The following SGCD variants were observed in gnomAD, a reference collection of about 807,000 sequenced individuals.
SGCD encodes sarcoglycan delta, also known as delta-sarcoglycan.
In SGCD, 18 loss-of-function variants were observed where a neutral mutation model predicts 36.6. The observed-to-expected ratio is 0.49, with a 90% CI of 0.34 to 0.73. The LOEUF is 0.73. Among genes scored for constraint, SGCD ranks in the 30% least tolerant of loss-of-function variants. The probability of loss-of-function intolerance (pLI) is 0.01; values close to 1 mark genes in which losing one functional copy is unlikely to be tolerated. For missense variants in SGCD, 387 were observed against 346.7 expected, an observed-to-expected ratio of 1.12 and a Z score of -0.92; for synonymous variants, 133 against 130.6, an observed-to-expected ratio of 1.02 and a Z score of -0.12.
At chr5:155,855,104 A>G in the SGCD span, among the ~76,000 whole-genome samples, 2 of 152,226 alleles carry the variant, frequency 1.3e-5, no homozygotes, top group East Asian at 1.9e-4. Flanking sequence ...TGCACTCTGG[A>G]CCGACCTTTA....
intron 3 of SGCD, among the ~76,000 whole-genome samples, chr5:156,241,558 T>C (rs1765308659): frequency 6.6e-6 from 1 of 152,180 alleles, no homozygotes; most frequent in Non-Finnish European, 1.5e-5. Context: ...GGCTGCTCCA[T>C]CCAGTTTTTC....
At chr5:156,574,029 T>A (rs1412030946) in intron 4 of SGCD, among the ~76,000 whole-genome samples, 1 of 152,124 alleles carries the variant, frequency 6.6e-6, no homozygotes, top group African/African-American at 2.4e-5. Context: ...TGTTAGCACA[T>A]ATTGAGTCCT....
At chr5:156,650,530 C>A (rs548827295) in intron 7 of SGCD, among the ~76,000 whole-genome samples, 2 of 152,096 alleles carry the variant, frequency 1.3e-5, no homozygotes, top group South Asian at 2.1e-4. Flanking sequence ...CTTTTGTTCC[C>A]ATCTTCATAT....
intron 1 of SGCD, among the ~76,000 whole-genome samples, chr5:156,040,801 G>A (rs1759615114): frequency 6.6e-6 from 1 of 152,068 alleles, no homozygotes; most frequent in Non-Finnish European, 1.5e-5. Context: ...TCTTACATCA[G>A]ATTATTTTAG....
the SGCD span, among the ~76,000 whole-genome samples, chr5:155,746,618 A>C: frequency 2.0e-5 from 3 of 152,108 alleles, no homozygotes; most frequent in South Asian, 2.1e-4. Flanking sequence ...GCTTTTGTCT[A>C]GTTTCCAGCT....
chr5:155,890,389 T>C (rs999117330), intron 1 of SGCD, among the ~76,000 whole-genome samples: 1 of 152,102 alleles, frequency 6.6e-6, no homozygotes, highest in African/African-American at 2.4e-5. Flanking sequence ...TTTGGGAGAC[T>C]GAGGTGGGCA....
intron 3 of SGCD, among the ~76,000 whole-genome samples, chr5:156,236,178 C>T (rs1581186499): frequency 2.0e-5 from 3 of 152,030 alleles, no homozygotes; most frequent in East Asian, 1.9e-4. Flanking sequence ...AAACATGTTA[C>T]GGTTAAATCA....
rs1234624557 is a variant in SGCD, at chr5:156,757,663, A to G, written c.658A>G (p.Thr220Ala). 6.2e-7 allele frequency: 1 copy of G among 1,609,480 alleles called. No homozygotes were observed. Among genetic ancestry groups the G allele is most frequent in the Admixed American group, 1.7e-5 (1 of 59,372 alleles). The change falls in exon 8 of 9, where the codon ACC becomes GCC. Residue 220 changes from threonine to alanine, a missense_variant. Thr to Ala is a moderately conservative substitution (Grantham distance 58). Transcript: ENST00000337851. ...INAEAGNMEATCRTELRLESK... is the reference protein window; with the variant it reads ...INAEAGNMEAACRTELRLESK... ...TGCAGAAGCTGGCAATATGGAAGCC[A>G]CCTGCAGGACAGAGCTGAGACTGGA...
At chr5:155,870,815 T>G (rs1289146926) in intron 1 of SGCD, among the ~76,000 whole-genome samples, 1 of 152,166 alleles carries the variant, frequency 6.6e-6, no homozygotes, top group African/African-American at 2.4e-5. Flanking sequence ...AACGTCTTTT[T>G]GCAGGTGACC....
intron 1 of SGCD, among the ~76,000 whole-genome samples, chr5:156,097,916 AATGGC>A (rs1241892821): frequency 6.6e-6 from 1 of 152,170 alleles, no homozygotes. Context: ...CTTTGTTTCC[AATGGC>A]AGAAGCTTTG....
At chr5:156,005,718 A>G (rs545912089) in intron 1 of SGCD, among the ~76,000 whole-genome samples, 102 of 152,214 alleles carry the variant, frequency 6.7e-4, no homozygotes, top group South Asian at 6.2e-3. Context: ...CCAAAGTGCT[A>G]GGATTACAGG....
chr5:155,808,869 A>G, the SGCD span, among the ~76,000 whole-genome samples: 1 of 152,248 alleles, frequency 6.6e-6, no homozygotes, highest in Non-Finnish European at 1.5e-5. Flanking sequence ...TCACATAGTT[A>G]CAAAGAGACA....
chr5:156,437,059 C>T (rs17053555), intron 3 of SGCD, among the ~76,000 whole-genome samples: 2,445 of 152,110 alleles, frequency 0.016, 73 homozygotes, highest in African/African-American at 0.056. Flanking sequence ...GTTGTTGCTA[C>T]GTTCAAATAC....
At chr5:156,566,020 G>A (rs2113266078) in intron 4 of SGCD, among the ~76,000 whole-genome samples, 1 of 152,180 alleles carries the variant, frequency 6.6e-6, no homozygotes, top group African/African-American at 2.4e-5. Context: ...GTGTGCATGT[G>A]TCAAAAAGTG....
At chr5:156,716,626 C>T (rs1346579626) in intron 7 of SGCD, among the ~76,000 whole-genome samples, 1 of 152,226 alleles carries the variant, frequency 6.6e-6, no homozygotes, top group Non-Finnish European at 1.5e-5. Flanking sequence ...AAATGTTCTA[C>T]TATGGTCATT....
intron 3 of SGCD, among the ~76,000 whole-genome samples, chr5:156,152,602 C>A (rs1301530950): frequency 1.3e-5 from 2 of 151,626 alleles, no homozygotes; most frequent in African/African-American, 4.9e-5. Context: ...ATGTTGCATA[C>A]TTCACCCATT....
chr5:156,621,841 C>T (rs1762263359), intron 6 of SGCD, among the ~76,000 whole-genome samples: 1 of 152,166 alleles, frequency 6.6e-6, no homozygotes, highest in Non-Finnish European at 1.5e-5. Flanking sequence ...AATGCTTATT[C>T]CGTAGCAGGT....
In SGCD at chr5:155,975,609, CTT is replaced by C. The variant is rs763067309; in HGVS notation, c.-282+105221_-282+105222del. ...TGTGTTATTTATTTTTCTTTCTTTC[CTT>C]TTTTTTTTTTTTTTTTTTTTTTTTT... On this transcript the variant is annotated intron_variant, in intron 1 of 9. Transcript: ENST00000517913. 8.0e-3 allele frequency among the ~76,000 whole-genome samples: 225 copies of C among 28,002 alleles called. 10 individuals carry two copies. Among genetic ancestry groups the C allele is most frequent in the South Asian group, 0.012 (10 of 840 alleles). 18.4% of individuals were successfully genotyped at this position (28,002 alleles called of 152,430 possible).
intron 7 of SGCD, among the ~76,000 whole-genome samples, chr5:156,650,837 G>A (rs1763431718): frequency 6.6e-6 from 1 of 152,024 alleles, no homozygotes; most frequent in Non-Finnish European, 1.5e-5. Context: ...TTTCCCTTTG[G>A]GTATATACCC....
Sources: allele counts gnomAD v4.1 joint callset (sites outside exome capture counted in the v4.1 genomes callset), GRCh38; gene constraint gnomAD v4.1.1; transcripts MANE v1.5; gene names NCBI Gene and HGNC (gene_info 2026-07-23, HGNC 2026-07-21).